CCDC40: variants seen among roughly 807,000 people sequenced by gnomAD.
CCDC40 encodes coiled-coil domain-containing protein 40.
A neutral mutation model predicts 124.5 loss-of-function variants in CCDC40; 104 were observed. The observed-to-expected ratio is 0.84, with a 90% CI of 0.71 to 0.98. The LOEUF (loss-of-function observed/expected upper bound fraction) is 0.98. CCDC40 is among the 50% of genes least tolerant of loss of function. The pLI, the probability that CCDC40 is intolerant of heterozygous loss-of-function variation, is 0.00. For missense variants in CCDC40, 1,463 were observed against 1,503.9 expected (o/e 0.97, Z 0.45); for synonymous variants, 580 against 602.9 (o/e 0.96, Z 0.56).
chr17:80,069,806 G>GA (rs1013780568), intron 10 of CCDC40, among the ~76,000 whole-genome samples: 6 of 147,580 alleles, frequency 4.1e-5, no homozygotes, highest in Non-Finnish European at 7.4e-5. Flanking sequence ...GAGAGAGAGA[G>GA]AGAAAAAAAG....
intron 5 of CCDC40, 31 bp from the exon 6 acceptor site, chr17:80,049,874 AG>A (rs1217002902): frequency 6.3e-7 from 1 of 1,592,276 alleles, no homozygotes; most frequent in Admixed American, 1.7e-5. Flanking sequence ...GTAACCAGAA[AG>A]GTAACCACCT....
At chr17:80,047,084 G>T (rs1470367122) in intron 3 of CCDC40, among the ~76,000 whole-genome samples, 195 bp from the exon 4 acceptor site, 1 of 152,204 alleles carries the variant, frequency 6.6e-6, no homozygotes, top group African/African-American at 2.4e-5. Context: ...GGCCTCAAGC[G>T]ATCCACCCGC....
At chr17:80,095,915 G>T (rs1478798434) in intron 18 of CCDC40, among the ~76,000 whole-genome samples, 1 of 152,230 alleles carries the variant, frequency 6.6e-6, no homozygotes, top group African/African-American at 2.4e-5. Flanking sequence ...TGGGAGCGGG[G>T]TGGGCGCCTC....
At chr17:80,068,279 C>T (rs141299693) in intron 10 of CCDC40, among the ~76,000 whole-genome samples, 2,472 of 152,200 alleles carry the variant, frequency 0.016, 76 homozygotes, top group African/African-American at 0.057. Flanking sequence ...GTGATCCACC[C>T]GTCTTGGCCT....
At chr17:80,047,125 G>A (rs2143604307) in intron 3 of CCDC40, among the ~76,000 whole-genome samples, 154 bp from the exon 4 acceptor site, 1 of 152,346 alleles carries the variant, frequency 6.6e-6, no homozygotes, top group East Asian at 1.9e-4. Context: ...GGAGTTACAG[G>A]CATGAGCCAC....
chr17:80,079,193 T>C (rs1598529641), intron 10 of CCDC40, among the ~76,000 whole-genome samples: 1 of 152,180 alleles, frequency 6.6e-6, no homozygotes, highest in African/African-American at 2.4e-5. Flanking sequence ...AATAAGTTTT[T>C]ATTCAAATAG....
At position 80,082,020 on chromosome 17, in the gene CCDC40, C is replaced by A. The variant is rs387907092; in HGVS notation, c.1951C>A (p.Gln651Lys). The change falls in exon 12 of 20, where the codon CAG becomes AAG. Residue 651 changes from glutamine to lysine, a missense_variant. Coordinates refer to ENST00000397545, the MANE Select transcript of CCDC40 (RefSeq NM_017950.4). ...CAACAAGACCACCAAATACTTCAAC[C>A]AGCTCATCCTGAGGCTGCAGAAGGA... ...TSNKTTKYFN[Q>K]LILRLQKEKT... The A allele has an allele frequency of 6.2e-7, 1 of 1,613,574 alleles. No homozygotes were observed. Among genetic ancestry groups the A allele is most frequent in the Admixed American group, 1.7e-5 (1 of 59,958 alleles).
chr17:80,067,785 C>T (rs2038086009), intron 10 of CCDC40: 13 of 1,457,662 alleles, frequency 8.9e-6, no homozygotes, highest in African/African-American at 1.4e-5. Flanking sequence ...GTCACGCCCC[C>T]GGCAGCGGTG....
chr17:80,044,710 A>ATATATATATATAT (rs1568671585), intron 3 of CCDC40, among the ~76,000 whole-genome samples: 1 of 118,718 alleles, frequency 8.4e-6, no homozygotes, highest in East Asian at 2.3e-4. Flanking sequence ...AACAAACAAA[A>ATATATATATATAT]AAAAAAATAT....
Position 80,040,182 on chromosome 17 carries a change from G to A in CCDC40, c.464G>A (p.Arg155Lys). Residue 155 changes from arginine to lysine, a missense_variant, in exon 3 of 20, where the codon AGG (arginine) becomes AAG (lysine). Arg to Lys is a conservative substitution (Grantham distance 26). Transcript: ENST00000397545. ...GGTCCACCAGAATCCAGAGAAAGGA[G>A]GGTCACCTCCCCAGAGCCATCCCAC... ...ATGPPESRER[R>K]VTSPEPSHGV... 6.2e-7 allele frequency: 1 copy of A among 1,613,944 alleles called. No homozygotes were observed. Among genetic ancestry groups the A allele is most frequent in the Non-Finnish European group, 8.5e-7 (1 of 1,179,898 alleles).
chr17:80,036,786 C>T, intron 1 of CCDC40, 95 bp downstream of exon 1: 3 of 1,183,778 alleles, frequency 2.5e-6, no homozygotes, highest in Non-Finnish European at 3.4e-6. Context: ...CCTGCCTCGC[C>T]CCTTCGCCTC....
chr17:80,095,187 C>A, intron 17 of CCDC40, 76 bp from the exon 18 acceptor site: 2 of 1,416,656 alleles, frequency 1.4e-6, no homozygotes, highest in Non-Finnish European at 2.0e-6. Flanking sequence ...ATGAGCGAGG[C>A]CAGCGCCCCG....
intron 10 of CCDC40, among the ~76,000 whole-genome samples, chr17:80,079,351 T>C (rs759277954): frequency 2.0e-5 from 3 of 152,178 alleles, no homozygotes; most frequent in Non-Finnish European, 4.4e-5. Context: ...ATATGCATTA[T>C]TCTCGGGTGT....
At chr17:80,055,997 TATATATATATATA>T (rs2037728964) in intron 7 of CCDC40, among the ~76,000 whole-genome samples, 5 of 11,926 alleles carry the variant, frequency 4.2e-4, no homozygotes, top group African/African-American at 6.4e-4. Context: ...TATATATATA[TATATATATATATA>T]TATATATTTT....
chr17:80,042,777 C>T (rs1323435629), intron 3 of CCDC40, among the ~76,000 whole-genome samples: 1 of 151,972 alleles, frequency 6.6e-6, no homozygotes, highest in Non-Finnish European at 1.5e-5. Flanking sequence ...TGTAAAGTGC[C>T]ATGTTTGCTG....
intron 7 of CCDC40, among the ~76,000 whole-genome samples, chr17:80,056,246 G>A (rs1175693403): frequency 1.3e-5 from 2 of 150,826 alleles, no homozygotes; most frequent in Non-Finnish European, 2.9e-5. Flanking sequence ...AACTTAAATG[G>A]CTGCATATTA....
At chr17:80,065,655 C>T (rs776465694) in intron 10 of CCDC40, 49 bp downstream of exon 10, 6 of 1,607,988 alleles carry the variant, frequency 3.7e-6, no homozygotes, top group East Asian at 2.2e-5. Flanking sequence ...CCCAGGGGTC[C>T]GTGGCAGGCC....
intron 2 of CCDC40, among the ~76,000 whole-genome samples, chr17:80,039,416 A>AT (rs112917601): frequency 0.019 from 2,768 of 144,476 alleles, 74 homozygotes; most frequent in African/African-American, 0.058. Context: ...ATGAAACATG[A>AT]TTTTTTTTTT....
chr17:80,058,642 GA>G lies in CCDC40; in HGVS notation c.1313del (p.Lys438SerfsTer37), dbSNP rs1471400793. ...TERIRAEIEK[K>X]KQDLYVDQLT... is the part of the protein sequence containing the mutation. ...AGAGGATCCGGGCAGAAATCGAGAA[GA>G]AAAAGCAGGTATTCTGCAAACTCGA... On this transcript the variant is annotated frameshift_variant, in exon 8 of 20. Transcript: ENST00000397545. LOFTEE classifies it high-confidence loss of function. This position sits in a 1 kb window ranked among gnomAD's most constrained non-coding sequence, Gnocchi z 4.2. 6.2e-7 allele frequency: 1 copy of G among 1,614,072 alleles called. No individual in the cohort carries two copies. The highest frequency in any genetic ancestry group is 1.3e-5 in the African/African-American group (1 of 74,936).
Sources: allele counts gnomAD v4.1 joint callset (sites outside exome capture counted in the v4.1 genomes callset), GRCh38; gene constraint gnomAD v4.1.1; non-coding constraint Gnocchi (gnomAD v3.1); transcripts MANE v1.5; gene names NCBI Gene and HGNC (gene_info 2026-07-23, HGNC 2026-07-21).